Variants in RIPOR2 observed in about 807,000 individuals in gnomAD.
RIPOR2 encodes RHO family interacting cell polarization regulator 2, also known as rho family-interacting cell polarization regulator 2.
A neutral mutation model predicts 114.5 loss-of-function variants in RIPOR2; 39 were observed. That is an observed-to-expected ratio of 0.34 (90% CI 0.26 to 0.44). The LOEUF (loss-of-function observed/expected upper bound fraction) is 0.44, where lower values mean the gene tolerates loss of function less well. RIPOR2 is among the 20% of genes least tolerant of loss of function. RIPOR2 has a pLI of 1.00. For synonymous variants in RIPOR2, 445 were observed against 484.4 expected, an observed-to-expected ratio of 0.92 and a Z score of 1.07; for missense variants, 1,007 against 1,255.1, an observed-to-expected ratio of 0.80 and a Z score of 2.99.
chr6:24,999,657 G>A (rs939863194), intron 1 of RIPOR2, among the ~76,000 whole-genome samples: 5 of 150,952 alleles, frequency 3.3e-5, no homozygotes, highest in Admixed American at 1.3e-4. Flanking sequence ...CCGGGTTCAC[G>A]CCATTCTCCT....
chr6:24,940,756 C>T (rs1772085824), upstream of RIPOR2, among the ~76,000 whole-genome samples: 1 of 152,076 alleles, frequency 6.6e-6, no homozygotes, highest in African/African-American at 2.4e-5. Flanking sequence ...AGTGATTCTC[C>T]TGCCTCAGCT....
chr6:24,895,295 C>G (rs559256976), intron 1 of RIPOR2, among the ~76,000 whole-genome samples: 3 of 152,142 alleles, frequency 2.0e-5, no homozygotes, highest in Admixed American at 2.0e-4. Flanking sequence ...ATGATCCGCC[C>G]GCCTTGGCCT....
At chr6:24,910,660 G>C in intron 1 of RIPOR2, 1 of 280,018 alleles carries the variant, frequency 3.6e-6, no homozygotes. Context: ...TCAGATGCCC[G>C]AACCCACCAG....
chr6:24,843,083 G>A lies in RIPOR2; in HGVS notation c.1636C>T (p.Leu546=). Residue 546 remains leucine, a synonymous_variant, in exon 13 of 22, where the codon CTG becomes TTG. Coordinates refer to ENST00000643898, the MANE Select transcript of RIPOR2 (RefSeq NM_001286445.3). The part of the protein sequence containing the change: ...DTSEGNITKQ[L]VKRLTSAEVP... ...TCTGCAGATGTGAGCCTCTTGACCA[G>A]CTGCTTTGTGATGTTTCCTTCCGAA... is the stretch of plus-strand genomic sequence containing the variant. The A allele has an allele frequency of 1.2e-6, 2 of 1,613,832 alleles. No homozygotes were observed. Among genetic ancestry groups the A allele is most frequent in the Non-Finnish European group, 8.5e-7 (1 of 1,179,746 alleles).
intron 1 of RIPOR2, among the ~76,000 whole-genome samples, chr6:24,969,382 G>A (rs1773674908): frequency 6.6e-6 from 1 of 152,200 alleles, no homozygotes; most frequent in African/African-American, 2.4e-5. Context: ...ACAAGATCCT[G>A]GGGTGATTCA....
At chr6:24,982,618 CAAATA>C (rs1443975501) in intron 1 of RIPOR2, among the ~76,000 whole-genome samples, 1 of 152,114 alleles carries the variant, frequency 6.6e-6, no homozygotes, top group Non-Finnish European at 1.5e-5. Flanking sequence ...TCCTAAGAAT[CAAATA>C]AAAGTAGTTG....
At chr6:25,019,465 G>T (rs1265831530) in intron 1 of RIPOR2, among the ~76,000 whole-genome samples, 1 of 152,148 alleles carries the variant, frequency 6.6e-6, no homozygotes, top group Non-Finnish European at 1.5e-5. Context: ...ATTAATTCTA[G>T]TGAAAAGTTA....
In RIPOR2 at chr6:24,897,843, T is replaced by C. The variant is rs374509442; in HGVS notation, c.62-22026A>G. On this transcript the variant is annotated intron_variant, in intron 1 of 21. Coordinates refer to ENST00000643898, the MANE Select transcript of RIPOR2 (RefSeq NM_001286445.3). ...GTGCAGCAGCGGGATCTCGGCTCAC[T>C]GCAACCTCCACCTCCAAGGCTCAAG... 1.4e-4 allele frequency among the ~76,000 whole-genome samples: 21 copies of C among 152,158 alleles called. 1 individual carries two copies. The highest frequency in any genetic ancestry group is 4.8e-4 in the African/African-American group (20 of 41,562).
chr6:24,833,614 T>C (rs567011853), intron 15 of RIPOR2, among the ~76,000 whole-genome samples: 29 of 152,304 alleles, frequency 1.9e-4, no homozygotes, highest in Admixed American at 1.8e-3. Context: ...CTGCTTTATT[T>C]TGAAAATAAT....
At chr6:24,885,932 C>A (rs1405476580) in intron 1 of RIPOR2, among the ~76,000 whole-genome samples, 1 of 152,204 alleles carries the variant, frequency 6.6e-6, no homozygotes, top group Non-Finnish European at 1.5e-5. Flanking sequence ...AATTGAAAAG[C>A]ATGGATTCAT....
chr6:24,958,278 A>G (rs1467474826), intron 1 of RIPOR2, among the ~76,000 whole-genome samples: 1 of 152,204 alleles, frequency 6.6e-6, no homozygotes, highest in East Asian at 1.9e-4. Flanking sequence ...GAATTTGCAT[A>G]TGCACCTTAA....
At chr6:25,008,949 T>C (rs1775667503) in intron 1 of RIPOR2, among the ~76,000 whole-genome samples, 1 of 152,252 alleles carries the variant, frequency 6.6e-6, no homozygotes, top group Admixed American at 6.5e-5. Flanking sequence ...GAGAGGTCAA[T>C]AGCTTGCTTG....
intron 1 of RIPOR2, among the ~76,000 whole-genome samples, chr6:25,031,613 G>A (rs890304900): frequency 6.9e-6 from 1 of 145,094 alleles, no homozygotes; most frequent in Non-Finnish European, 1.5e-5. Context: ...ACAGATGTCT[G>A]CAATTTATTT....
At chr6:25,026,047 T>G (rs1008508045) in intron 1 of RIPOR2, among the ~76,000 whole-genome samples, 5 of 143,062 alleles carry the variant, frequency 3.5e-5, no homozygotes, top group Non-Finnish European at 7.4e-5. Flanking sequence ...AGATTGTTGT[T>G]TTTTTTTTTT....
chr6:25,029,646 G>C lies in RIPOR2; in HGVS notation c.76+12205C>G, dbSNP rs559218813. Among the ~76,000 whole-genome samples, 19 of 152,132 alleles carry C rather than the reference G, an allele frequency of 1.2e-4. 1 individual carries two copies. Among genetic ancestry groups the C allele is most frequent in the South Asian group, 4.2e-4 (2 of 4,810 alleles). Reference sequence around the variant, plus strand: ...TCACTTCTCAGATGACACAGAAATAGAGACAGCACTGGGAGTGAGGGCGAA... The same window carrying C: ...TCACTTCTCAGATGACACAGAAATACAGACAGCACTGGGAGTGAGGGCGAA... On this transcript the variant is annotated intron_variant, in intron 1 of 13. Coordinates refer to the RIPOR2 transcript ENST00000510784.
chr6:24,967,582 G>A (rs1773585138), intron 1 of RIPOR2, among the ~76,000 whole-genome samples: 1 of 152,136 alleles, frequency 6.6e-6, no homozygotes, highest in Admixed American at 6.5e-5. Context: ...CCATATGACT[G>A]TACCTGAGAA....
At chr6:24,956,900 T>C (rs1478591686) in intron 1 of RIPOR2, among the ~76,000 whole-genome samples, 1 of 152,260 alleles carries the variant, frequency 6.6e-6, no homozygotes, top group Non-Finnish European at 1.5e-5. Context: ...GTTTTTGCTG[T>C]GGGTGGATTC....
At chr6:25,040,112 G>C (rs1012549841) in intron 1 of RIPOR2, among the ~76,000 whole-genome samples, 2 of 141,900 alleles carry the variant, frequency 1.4e-5, no homozygotes, top group East Asian at 2.1e-4. Flanking sequence ...CTGTGTGATA[G>C]ACTTCTACTT....
At chr6:24,928,304 T>C (rs1771115879) in intron 1 of RIPOR2, among the ~76,000 whole-genome samples, 1 of 152,220 alleles carries the variant, frequency 6.6e-6, no homozygotes, top group Non-Finnish European at 1.5e-5. Context: ...CTACAAATCA[T>C]ATCTGCTTAT....
Sources: gnomAD v4.1 joint callset for allele counts (sites outside exome capture counted in the v4.1 genomes callset) on GRCh38, gnomAD v4.1.1 for gene constraint, MANE v1.5 for transcripts, NCBI Gene and HGNC (gene_info 2026-07-23, HGNC 2026-07-21) for gene names.